The following ERBB4 variants were observed in gnomAD, a reference collection of about 807,000 sequenced individuals.
The protein encoded by ERBB4 is receptor tyrosine-protein kinase erbB-4.
In ERBB4, 42 loss-of-function variants were observed where a neutral mutation model predicts 158.0. The observed-to-expected ratio is 0.27, with a 90% CI of 0.21 to 0.34. The LOEUF (loss-of-function observed/expected upper bound fraction) is 0.34. ERBB4 is among the 10% of genes least tolerant of loss of function. The pLI is 1.00. For missense variants in ERBB4, 1,333 were observed against 1,624.1 expected, an observed-to-expected ratio of 0.82 and a Z score of 3.08; for synonymous variants, 583 against 558.7, an observed-to-expected ratio of 1.04 and a Z score of -0.61.
chr2:212,111,299 C>T (rs1252943089), intron 2 of ERBB4, among the ~76,000 whole-genome samples: 1 of 152,184 alleles, frequency 6.6e-6, no homozygotes, highest in Non-Finnish European at 1.5e-5. Context: ...TAACTGATTC[C>T]AGGCTCTCAT....
chr2:211,473,385 G>A (rs1355070320), intron 20 of ERBB4, among the ~76,000 whole-genome samples: 1 of 152,046 alleles, frequency 6.6e-6, no homozygotes, highest in African/African-American at 2.4e-5. Context: ...AGAACCATAA[G>A]AGATTAAATG....
chr2:212,425,032 C>T (rs186368695), intron 1 of ERBB4, among the ~76,000 whole-genome samples: 8 of 151,954 alleles, frequency 5.3e-5, no homozygotes, highest in African/African-American at 1.9e-4. Flanking sequence ...ATGAACACAA[C>T]TAATCAGATT....
intron 12 of ERBB4, among the ~76,000 whole-genome samples, chr2:211,680,110 T>G (rs1358594103): frequency 1.3e-5 from 2 of 152,228 alleles, no homozygotes; most frequent in African/African-American, 2.4e-5. Flanking sequence ...TATGCAGAAG[T>G]GTAGAGATTA....
intron 1 of ERBB4, among the ~76,000 whole-genome samples, chr2:212,505,515 A>C (rs1304182180): frequency 1.3e-5 from 2 of 149,308 alleles, no homozygotes; most frequent in African/African-American, 4.8e-5. Context: ...TATCATTGGG[A>C]AACACAGTCT....
intron 19 of ERBB4, among the ~76,000 whole-genome samples, chr2:211,614,146 T>G (rs770097653): frequency 7.9e-5 from 12 of 152,032 alleles, no homozygotes; most frequent in Non-Finnish European, 1.5e-4. Context: ...GAGATCATTA[T>G]GTTAAGTGAA....
intron 1 of ERBB4, among the ~76,000 whole-genome samples, chr2:212,241,687 T>A (rs1417299184): frequency 6.6e-6 from 1 of 152,176 alleles, no homozygotes; most frequent in Non-Finnish European, 1.5e-5. Context: ...TATCTTTTAG[T>A]TATTTGACAT....
intron 1 of ERBB4, among the ~76,000 whole-genome samples, chr2:212,227,982 G>C (rs1239288802): frequency 6.6e-6 from 1 of 152,112 alleles, no homozygotes; most frequent in East Asian, 1.9e-4. Context: ...ATCAAGCTGA[G>C]CTTAAAGGGC....
At chr2:211,819,282 A>T (rs1201119989) in intron 3 of ERBB4, among the ~76,000 whole-genome samples, 3 of 152,084 alleles carry the variant, frequency 2.0e-5, no homozygotes, top group African/African-American at 7.2e-5. Context: ...AAATGAAATG[A>T]CATGGTCTCT....
intron 19 of ERBB4, among the ~76,000 whole-genome samples, chr2:211,579,733 G>A (rs926574756): frequency 2.6e-5 from 4 of 152,008 alleles, no homozygotes; most frequent in Admixed American, 6.6e-5. Context: ...TCACTTATAA[G>A]TGGGATCTGA....
At chr2:212,284,760 T>G (rs971717701) in intron 1 of ERBB4, among the ~76,000 whole-genome samples, 1 of 151,662 alleles carries the variant, frequency 6.6e-6, no homozygotes, top group African/African-American at 2.4e-5. Context: ...CTTTAGTTAT[T>G]TTATTTTTCC....
At chr2:212,266,510 C>G (rs2085141929) in intron 1 of ERBB4, among the ~76,000 whole-genome samples, 1 of 151,884 alleles carries the variant, frequency 6.6e-6, no homozygotes, top group African/African-American at 2.4e-5. Context: ...AGGAGAATCT[C>G]AAGGCAGTTA....
intron 1 of ERBB4, among the ~76,000 whole-genome samples, chr2:212,334,525 ATTTG>A (rs1203012509): frequency 1.3e-5 from 2 of 152,078 alleles, no homozygotes; most frequent in African/African-American, 2.4e-5. Context: ...GTTAAAATGT[ATTTG>A]TTTGTTATTT....
intron 1 of ERBB4, among the ~76,000 whole-genome samples, chr2:212,436,804 CTT>C (rs1352001477): frequency 6.6e-6 from 1 of 152,020 alleles, no homozygotes; most frequent in African/African-American, 2.4e-5. Context: ...ACCAAAGAGA[CTT>C]TTGCAGGTTA....
At chr2:211,874,725 A>C (rs2078447858) in intron 3 of ERBB4, among the ~76,000 whole-genome samples, 1 of 152,172 alleles carries the variant, frequency 6.6e-6, no homozygotes, top group South Asian at 2.1e-4. Context: ...CCATACAGCA[A>C]CAGAGATTCC....
rs148805880 is a variant in ERBB4, at chr2:211,791,496, C to A, written c.422-3337G>T. Among the ~76,000 whole-genome samples, 95 of 149,944 alleles carry A rather than the reference C, an allele frequency of 6.3e-4. 2 individuals carry two copies. In the South Asian group the frequency reaches 8.7e-3, roughly 14 times the overall value. On this transcript the variant is annotated intron_variant, in intron 3 of 27. Transcript: ENST00000342788. The stretch of plus-strand genomic sequence containing the variant: ...ATACTCAAAGAAAGATGCAAAGTGT[C>A]TGGATGAGTGCAGAAGCTAAAAAAA...
At chr2:211,468,202 G>T (rs1172829203) in intron 20 of ERBB4, among the ~76,000 whole-genome samples, 1 of 152,076 alleles carries the variant, frequency 6.6e-6, no homozygotes, top group African/African-American at 2.4e-5. Context: ...GAGAGCAAAG[G>T]TCTAGTAATG....
intron 17 of ERBB4, among the ~76,000 whole-genome samples, chr2:211,628,875 A>C (rs571734730): frequency 1.3e-5 from 2 of 152,076 alleles, no homozygotes; most frequent in South Asian, 4.2e-4. Flanking sequence ...ACTGGTGTGA[A>C]ATGGTATCTC....
At chr2:212,152,335 T>C (rs2080898766) in intron 1 of ERBB4, among the ~76,000 whole-genome samples, 1 of 152,158 alleles carries the variant, frequency 6.6e-6, no homozygotes, top group Non-Finnish European at 1.5e-5. Flanking sequence ...ATATTCTACA[T>C]AAAGTAGTTG....
At chr2:212,167,396 C>A (rs866045484) in intron 1 of ERBB4, among the ~76,000 whole-genome samples, 1 of 152,064 alleles carries the variant, frequency 6.6e-6, no homozygotes, top group South Asian at 2.1e-4. Context: ...GAGATAATAT[C>A]CCATGCCACT....
Sources: allele counts gnomAD v4.1 joint callset (sites outside exome capture counted in the v4.1 genomes callset), GRCh38; gene constraint gnomAD v4.1.1; transcripts MANE v1.5; gene names NCBI Gene and HGNC (gene_info 2026-07-23, HGNC 2026-07-21).